The following KCNIP4 variants were observed in gnomAD, a reference collection of about 807,000 sequenced individuals.
The protein encoded by KCNIP4 is potassium voltage-gated channel interacting protein 4, also known as Kv channel-interacting protein 4.
In KCNIP4, 12 loss-of-function variants were observed where a neutral mutation model predicts 34.0. That is an observed-to-expected ratio of 0.35 (90% CI 0.23 to 0.57). The LOEUF is 0.57. KCNIP4 is among the 20% of genes least tolerant of loss of function. The pLI is 0.83. For missense variants in KCNIP4, 238 were observed against 311.7 expected (o/e 0.76, Z 1.78); for synonymous variants, 124 against 102.2 (o/e 1.21, Z -1.29).
At chr4:21,395,093 G>A (rs1282354514) in intron 1 of KCNIP4, among the ~76,000 whole-genome samples, 1 of 152,154 alleles carries the variant, frequency 6.6e-6, no homozygotes, top group Non-Finnish European at 1.5e-5. Context: ...GAGTTGGTAT[G>A]AAGATTATTT....
At chr4:21,643,136 T>C (rs1746736361) in intron 1 of KCNIP4, among the ~76,000 whole-genome samples, 1 of 152,202 alleles carries the variant, frequency 6.6e-6, no homozygotes. Flanking sequence ...TGTTATTTTG[T>C]TATGAATATG....
In KCNIP4 at chr4:21,561,900, G is replaced by GC. The variant is rs546942912; in HGVS notation, c.61+386670dup. Among the ~76,000 whole-genome samples the GC allele has an allele frequency of 2.7e-3, 409 of 152,020 alleles. 1 individual carries two copies. The highest frequency in any genetic ancestry group is 4.3e-3 in the Non-Finnish European group (290 of 67,892). ...TGTTCATTTATGAGAAGGACCCTGT[G>GC]CCCTGGCTCAAAAGGTAAACGTATG... On this transcript the variant is annotated intron_variant, in intron 1 of 8. Coordinates refer to ENST00000382152, the MANE Select transcript of KCNIP4 (RefSeq NM_025221.6).
intron 1 of KCNIP4, among the ~76,000 whole-genome samples, chr4:21,441,133 C>G (rs6819420): frequency 0.26 from 38,854 of 148,606 alleles, 6,331 homozygotes; most frequent in Non-Finnish European, 0.37. Context: ...TTTATGACAC[C>G]TTTCTTTTTT....
At chr4:21,200,335 T>C (rs1055681040) in intron 1 of KCNIP4, among the ~76,000 whole-genome samples, 5 of 144,184 alleles carry the variant, frequency 3.5e-5, no homozygotes, top group African/African-American at 1.3e-4. Flanking sequence ...TGTATATATA[T>C]ATACATACAT....
intron 1 of KCNIP4, among the ~76,000 whole-genome samples, chr4:21,147,664 C>T (rs571351227): frequency 2.0e-4 from 30 of 152,092 alleles, no homozygotes; most frequent in Admixed American, 3.9e-4. Context: ...TTTGGCCAGG[C>T]GCGGTGGCTC....
chr4:21,444,541 T>C (rs984702769), intron 1 of KCNIP4, among the ~76,000 whole-genome samples: 11 of 152,278 alleles, frequency 7.2e-5, no homozygotes, highest in Admixed American at 7.2e-4. Context: ...ATTATCTCAA[T>C]AGATGCAGAA....
At chr4:21,380,455 G>A (rs1414236053) in intron 1 of KCNIP4, among the ~76,000 whole-genome samples, 1 of 134,104 alleles carries the variant, frequency 7.5e-6, no homozygotes, top group Non-Finnish European at 1.7e-5. Context: ...GAGAGGGAGA[G>A]GGGGAGAGAG....
chr4:21,505,141 G>T (rs1238714168), intron 1 of KCNIP4, among the ~76,000 whole-genome samples: 2 of 152,044 alleles, frequency 1.3e-5, no homozygotes, highest in Non-Finnish European at 1.5e-5. Flanking sequence ...GAATTCATTT[G>T]ATATTTACAA....
intron 1 of KCNIP4, among the ~76,000 whole-genome samples, chr4:21,188,454 C>A (rs926331747): frequency 6.6e-6 from 1 of 152,128 alleles, no homozygotes; most frequent in South Asian, 2.1e-4. Context: ...ATGAAAAATG[C>A]TAAAGGTGGT....
intron 1 of KCNIP4, among the ~76,000 whole-genome samples, chr4:21,864,364 T>C (rs1037422877): frequency 2.6e-5 from 4 of 152,260 alleles, no homozygotes; most frequent in Non-Finnish European, 5.9e-5. Context: ...TTTTGTCTCA[T>C]ACTGATACAA....
At chr4:21,726,193 T>G (rs995122543) in intron 1 of KCNIP4, among the ~76,000 whole-genome samples, 2 of 151,714 alleles carry the variant, frequency 1.3e-5, no homozygotes, top group Non-Finnish European at 2.9e-5. Context: ...CTGGAGATGT[T>G]TACTTCTCCT....
chr4:21,901,517 A>G (rs1275387048), intron 1 of KCNIP4, among the ~76,000 whole-genome samples: 1 of 152,164 alleles, frequency 6.6e-6, no homozygotes, highest in East Asian at 1.9e-4. Flanking sequence ...GGTAGTAGAG[A>G]TGGAATGTTA....
chr4:21,938,032 T>C lies in KCNIP4; in HGVS notation c.61+10539A>G, dbSNP rs529479217. ...TCATAGTTTTCTTCTTCCCCACACATTCCCACAAAACCATACAAAATTCTT... is the reference window on the plus strand; with the variant it reads ...TCATAGTTTTCTTCTTCCCCACACACTCCCACAAAACCATACAAAATTCTT... On this transcript the variant is annotated intron_variant, in intron 1 of 8. Transcript: ENST00000382152. Among the ~76,000 whole-genome samples, 8 of 152,190 alleles carry C rather than the reference T, an allele frequency of 5.3e-5. No individual in the cohort carries two copies. In the South Asian group the frequency reaches 1.7e-3, roughly 32 times the overall value.
chr4:21,707,220 G>A lies in KCNIP4; in HGVS notation c.61+241351C>T, dbSNP rs1022388494. On this transcript the variant is annotated intron_variant, in intron 1 of 8. Transcript: ENST00000382152. ...CCATAGTCTAATGTCACACAATGAA[G>A]ACTAAATCATTGATAGATATGAGGA... 2.0e-5 allele frequency among the ~76,000 whole-genome samples: 3 copies of A among 152,158 alleles called. No individual in the cohort carries two copies. The East Asian group carries it at 5.8e-4, about 29-fold the overall frequency.
At chr4:21,505,382 T>C (rs1300395381) in intron 1 of KCNIP4, among the ~76,000 whole-genome samples, 2 of 152,192 alleles carry the variant, frequency 1.3e-5, no homozygotes, top group Non-Finnish European at 2.9e-5. Context: ...GAAAGAACTT[T>C]GTGACAGTCC....
intron 1 of KCNIP4, among the ~76,000 whole-genome samples, chr4:21,837,317 T>G (rs1185373107): frequency 2.7e-5 from 4 of 150,074 alleles, no homozygotes; most frequent in Admixed American, 2.0e-4. Context: ...GTGGATCACC[T>G]GAGGTCAGGA....
At position 21,300,274 on chromosome 4, in the gene KCNIP4, A is replaced by AT. The variant is rs369718758; in HGVS notation, c.62-417566dup. On this transcript the variant is annotated intron_variant, in intron 1 of 8. Coordinates refer to ENST00000382152, the MANE Select transcript of KCNIP4 (RefSeq NM_025221.6). ...AATGCATTAACAGAAAACCACTTTC[A>AT]TTTTTATAGTTGAAAGAAAAAGGCA... is the stretch of plus-strand genomic sequence containing the variant. Among the ~76,000 whole-genome samples the AT allele has an allele frequency of 5.3e-3, 805 of 152,266 alleles. 7 individuals are homozygous for AT. Among genetic ancestry groups the AT allele is most frequent in the African/African-American group, 0.018 (759 of 41,562 alleles).
At chr4:20,764,998 A>G (rs1267349407) in intron 3 of KCNIP4, among the ~76,000 whole-genome samples, 1 of 152,226 alleles carries the variant, frequency 6.6e-6, no homozygotes. Flanking sequence ...CATGAGGACA[A>G]TGAGCTTGGA....
chr4:20,866,685 A>G (rs1312514938), intron 2 of KCNIP4, among the ~76,000 whole-genome samples: 1 of 152,080 alleles, frequency 6.6e-6, no homozygotes, highest in African/African-American at 2.4e-5. Flanking sequence ...AAGAAATAAA[A>G]GGCATTTAAA....
Sources: allele counts gnomAD v4.1 joint callset (sites outside exome capture counted in the v4.1 genomes callset), GRCh38; gene constraint gnomAD v4.1.1; transcripts MANE v1.5; gene names NCBI Gene and HGNC (gene_info 2026-07-23, HGNC 2026-07-21).